ZCCHC7: variants seen among roughly 807,000 people sequenced by gnomAD.
ZCCHC7 encodes zinc finger CCHC-type containing 7, also known as zinc finger CCHC domain-containing protein 7.
ZCCHC7 carries 35 observed loss-of-function variants against 52.0 expected under a neutral mutation model. The ratio of observed to expected loss-of-function variants is 0.67; its 90% CI spans 0.51 to 0.89. The LOEUF (loss-of-function observed/expected upper bound fraction) is 0.89. Ranked by LOEUF, ZCCHC7 falls within the 40% of genes least tolerant of loss-of-function variation. The probability of loss-of-function intolerance (pLI) is 0.00; values close to 1 mark genes in which losing one functional copy is unlikely to be tolerated. For synonymous variants in ZCCHC7, 217 were observed against 221.5 expected (o/e 0.98, Z 0.18); for missense variants, 574 against 649.1 (o/e 0.88, Z 1.26).
At chr9:37,294,799 G>A (rs1265028403) in intron 2 of ZCCHC7, among the ~76,000 whole-genome samples, 1 of 151,990 alleles carries the variant, frequency 6.6e-6, no homozygotes. Flanking sequence ...AATAGATATG[G>A]TCTCAGTCCA....
chr9:37,329,117 G>A (rs1327501068), intron 6 of ZCCHC7, among the ~76,000 whole-genome samples: 1 of 151,740 alleles, frequency 6.6e-6, no homozygotes, highest in Non-Finnish European at 1.5e-5. Flanking sequence ...TTTTCAAGAT[G>A]ACAGAGCTAC....
chr9:37,348,378 C>CTT (rs1554736759), intron 6 of ZCCHC7, among the ~76,000 whole-genome samples: 1 of 146,448 alleles, frequency 6.8e-6, no homozygotes, highest in East Asian at 1.9e-4. Context: ...TTCTTTCTTT[C>CTT]TTTCTTTCTT....
chr9:37,146,308 A>G (rs1003510868), intron 2 of ZCCHC7, among the ~76,000 whole-genome samples: 3 of 151,842 alleles, frequency 2.0e-5, no homozygotes, highest in Non-Finnish European at 4.4e-5. Flanking sequence ...TTCAGGCATA[A>G]TGAATGGATG....
At chr9:37,233,855 T>G (rs579869) in intron 2 of ZCCHC7, among the ~76,000 whole-genome samples, 1,555 of 152,198 alleles carry the variant, frequency 0.01, 27 homozygotes, top group African/African-American at 0.033. Context: ...TTTTGGTGGT[T>G]GTTTTTGTTT....
intron 2 of ZCCHC7, among the ~76,000 whole-genome samples, chr9:37,195,727 T>G (rs1439153331): frequency 6.6e-6 from 1 of 152,224 alleles, no homozygotes; most frequent in African/African-American, 2.4e-5. Context: ...AATGTAGTAG[T>G]GATTTAATGC....
intron 6 of ZCCHC7, among the ~76,000 whole-genome samples, chr9:37,344,023 G>A (rs1223555161): frequency 2.0e-5 from 3 of 152,076 alleles, no homozygotes; most frequent in Non-Finnish European, 4.4e-5. Flanking sequence ...ATTAAAAAAT[G>A]TAAAACCAGC....
intron 2 of ZCCHC7, among the ~76,000 whole-genome samples, chr9:37,206,579 C>T (rs955014573): frequency 6.6e-6 from 1 of 152,006 alleles, no homozygotes; most frequent in Non-Finnish European, 1.5e-5. Context: ...CTCAAACTCC[C>T]GGGCTCAAGC....
At chr9:37,301,910 T>C (rs2133693903) in intron 2 of ZCCHC7, among the ~76,000 whole-genome samples, 1 of 152,338 alleles carries the variant, frequency 6.6e-6, no homozygotes, top group South Asian at 2.1e-4. Flanking sequence ...TCAATGTATT[T>C]TCACATACCT....
At chr9:37,222,817 C>A (rs543574185) in intron 2 of ZCCHC7, among the ~76,000 whole-genome samples, 13 of 152,144 alleles carry the variant, frequency 8.5e-5, no homozygotes, top group African/African-American at 3.1e-4. Flanking sequence ...AATCTAATTA[C>A]ATAAAATAGT....
chr9:37,177,726 C>T (rs1174320578), intron 2 of ZCCHC7, among the ~76,000 whole-genome samples: 1 of 152,160 alleles, frequency 6.6e-6, no homozygotes, highest in Non-Finnish European at 1.5e-5. Flanking sequence ...CAGTTTACCG[C>T]TGTGGTTTTC....
intron 2 of ZCCHC7, among the ~76,000 whole-genome samples, chr9:37,250,292 TTCTC>T (rs779228636): frequency 3.3e-5 from 5 of 150,548 alleles, no homozygotes; most frequent in Non-Finnish European, 7.4e-5. Flanking sequence ...ATCTCTCTCT[TTCTC>T]TCTCTTTTTT....
intron 6 of ZCCHC7, among the ~76,000 whole-genome samples, chr9:37,331,224 C>G (rs534624403): frequency 6.6e-6 from 1 of 151,300 alleles, no homozygotes; most frequent in African/African-American, 2.4e-5. Context: ...ATTTGTTATC[C>G]GGGAAATGGG....
intron 2 of ZCCHC7, among the ~76,000 whole-genome samples, chr9:37,262,603 C>T (rs1826920773): frequency 6.6e-6 from 1 of 152,152 alleles, no homozygotes; most frequent in Non-Finnish European, 1.5e-5. Flanking sequence ...GAGCTGCCCT[C>T]TCCTGGTCAT....
intron 2 of ZCCHC7, among the ~76,000 whole-genome samples, chr9:37,142,547 A>G (rs2132780401): frequency 6.6e-6 from 1 of 151,720 alleles, no homozygotes. Context: ...TCACATTTTG[A>G]TTTCTATCAA....
At chr9:37,242,033 T>C (rs1388294198) in intron 2 of ZCCHC7, among the ~76,000 whole-genome samples, 1 of 151,802 alleles carries the variant, frequency 6.6e-6, no homozygotes, top group East Asian at 1.9e-4. Context: ...GATTTTCCAT[T>C]AGTATTTTTT....
chr9:37,132,088 C>CA (rs1554698606), intron 2 of ZCCHC7, among the ~76,000 whole-genome samples: 2 of 151,210 alleles, frequency 1.3e-5, no homozygotes. Flanking sequence ...CCGCCCCTTC[C>CA]TTTTTTTTTA....
chr9:37,228,694 T>C (rs1825242071), intron 2 of ZCCHC7, among the ~76,000 whole-genome samples: 1 of 151,826 alleles, frequency 6.6e-6, no homozygotes, highest in Admixed American at 6.6e-5. Context: ...GATGAGAAAA[T>C]ATATTGATAT....
At chr9:37,333,835 A>T (rs1039034449) in intron 6 of ZCCHC7, 1 of 151,880 alleles carries the variant, frequency 6.6e-6, no homozygotes, top group African/African-American at 2.4e-5. Context: ...AAAGAAAACT[A>T]CATTTCTTTC....
At position 37,173,040 on chromosome 9, in the gene ZCCHC7, A is replaced by G. The variant is rs547967111; in HGVS notation, c.610+46098A>G. Among the ~76,000 whole-genome samples, 206 of 146,696 alleles carry G rather than the reference A, an allele frequency of 1.4e-3. 1 individual carries two copies. The highest frequency in any genetic ancestry group is 2.4e-3 in the Non-Finnish European group (159 of 67,056). ...TTGAGTGAGCAACGTGGCCATTCCA[A>G]TAGGGACTCGAGTGAGCAACGTGGG... On this transcript the variant is annotated intron_variant, in intron 2 of 8. Transcript: ENST00000336755.
Sources: allele counts gnomAD v4.1 joint callset (sites outside exome capture counted in the v4.1 genomes callset), GRCh38; gene constraint gnomAD v4.1.1; transcripts MANE v1.5; gene names NCBI Gene and HGNC (gene_info 2026-07-23, HGNC 2026-07-21).